Variants in NOS3 observed in about 807,000 individuals in gnomAD.
NOS3 encodes the protein nitric oxide synthase 3.
A neutral mutation model predicts 144.9 loss-of-function variants in NOS3; 98 were observed. The observed-to-expected ratio is 0.68, with a 90% CI of 0.57 to 0.80. The LOEUF (loss-of-function observed/expected upper bound fraction) is 0.80, where lower values mean the gene tolerates loss of function less well. Ranked by LOEUF, NOS3 falls within the 30% of genes least tolerant of loss-of-function variation. The pLI is 0.00. For missense variants in NOS3, 1,465 were observed against 1,656.4 expected (o/e 0.88, Z 2.01); for synonymous variants, 714 against 702.4 (o/e 1.02, Z -0.26).
Position 150,996,939 on chromosome 7 carries a change from G to GCGACTGAGAGACC in NOS3, c.582+17_582+29dup. 6.4e-7 allele frequency: 1 copy of GCGACTGAGAGACC among 1,551,224 alleles called. No individual in the cohort carries two copies. The highest frequency in any genetic ancestry group is 1.2e-5 in the South Asian group (1 of 84,358). ...GGGAAGCTGCAGGTGCGGCTGGCCA[G>GCGACTGAGAGACC]CGACTGAGAGACCCGGGCGCTACCA... On this transcript the variant is annotated intron_variant, in intron 5 of 26. Transcript: ENST00000297494.
In NOS3 at chr7:151,002,307, G is replaced by T. The variant is rs1164636120; in HGVS notation, c.1752+3G>T. The T allele has an allele frequency of 1.3e-6, 2 of 1,551,858 alleles. No individual in the cohort carries two copies. Among genetic ancestry groups the T allele is most frequent in the Non-Finnish European group, 1.8e-6 (2 of 1,135,936 alleles). ...GGGATCCCCCGGAGAATGGAGAGGT[G>T]AGAACTTCCAGGAAAGGGGCTGCTG... On this transcript the variant is annotated splice_donor_region_variant and intron_variant, in intron 14 of 26. Coordinates refer to ENST00000297494, the MANE Select transcript of NOS3 (RefSeq NM_000603.5). This position sits in a 1 kb window ranked among gnomAD's most constrained non-coding sequence, Gnocchi z 4.1.
At position 151,013,217 on chromosome 7, in the gene NOS3, G is replaced by C. The variant is rs752728880; in HGVS notation, c.3107-14G>C. ...CCCGGAGAAGAGCCTTCCCAAGCGC[G>C]GGGTTGCTTGCAGGGCTGCAGCCCA... is the stretch of plus-strand genomic sequence containing the variant. On this transcript the variant is annotated splice_polypyrimidine_tract_variant and intron_variant, in intron 24 of 26. Transcript: ENST00000297494. 4 of 1,608,582 alleles carry C rather than the reference G, an allele frequency of 2.5e-6. No homozygotes were observed. Among genetic ancestry groups the C allele is most frequent in the Non-Finnish European group, 3.4e-6 (4 of 1,176,854 alleles).
chr7:151,009,552 G>C lies in NOS3; in HGVS notation c.2479G>C (p.Val827Leu), dbSNP rs3918232. Residue 827 changes from valine (V) to leucine (L), a missense_variant, in exon 20 of 27, where the codon GTG becomes CTG. Physicochemically the swap from Val to Leu is conservative, Grantham distance 32 (BLOSUM62 1). Coordinates refer to ENST00000297494, the MANE Select transcript of NOS3 (RefSeq NM_000603.5). ...VEDPPAPTEP[V>L]AVEQLEKGSP... ...GGACCCGCCGGCGCCCACTGAGCCC[G>C]TGGCAGTAGAGCAGCTGGAGAAGGG... The C allele has an allele frequency of 6.5e-7, 1 of 1,543,576 alleles. No homozygotes were observed. Among genetic ancestry groups the C allele is most frequent in the African/African-American group, 1.4e-5 (1 of 73,016 alleles).
chr7:151,010,123 C>A lies in NOS3; in HGVS notation c.2521C>A (p.Pro841Thr). ...CTGTGCACTATCCCCAGGTGGCCCT[C>A]CCCCCGGCTGGGTGCGGGACCCCCG... ...QLEKGSPGGPPPGWVRDPRLP... is the reference protein window; with the variant it reads ...QLEKGSPGGPTPGWVRDPRLP... The change falls in exon 21 of 27, where the codon CCC (proline) becomes ACC (threonine). Residue 841 changes from proline (P) to threonine (T), a missense_variant. Physicochemically the swap from Pro to Thr is conservative, Grantham distance 38. Around this residue, in one of 5 missense-constraint regions of NOS3, gnomAD observed 745 missense variants for 853.9 expected, o/e 0.87. Transcript: ENST00000297494. 1.3e-6 allele frequency: 2 copies of A among 1,589,946 alleles called. No homozygotes were observed. Among genetic ancestry groups the A allele is most frequent in the Admixed American group, 1.7e-5 (1 of 59,428 alleles).
At chr7:151,012,193 G>GT in intron 23 of NOS3, 158 bp from the exon 24 acceptor site, 1 of 612,088 alleles carries the variant, frequency 1.6e-6, no homozygotes, top group Non-Finnish European at 2.8e-6. Flanking sequence ...GATCCAAGGA[G>GT]TTTCAGCAAG....
rs1802301556 is a variant in NOS3, at chr7:150,993,626, G to A, written c.-51-127G>A. The A allele has an allele frequency of 1.6e-6, 1 of 618,510 alleles. No individual in the cohort carries two copies. Among genetic ancestry groups the A allele is most frequent in the Non-Finnish European group, 2.7e-6 (1 of 369,012 alleles). The allele number at this position is 618,510 out of a possible 1,614,324, so 38.3% of individuals were successfully genotyped here. ...TTCAGGCCAGCGGGCGTGGAGCTGA[G>A]GCTTTAGAGCCTCCCAGCCGGGCTT... is the stretch of plus-strand genomic sequence containing the variant. On this transcript the variant is annotated intron_variant, in intron 1 of 26. Transcript: ENST00000297494. The surrounding 1 kb of genome is among the most constrained non-coding windows in gnomAD (Gnocchi z 4.0).
At chr7:150,999,942 G>A (rs1300546125) in intron 9 of NOS3, among the ~76,000 whole-genome samples, 1 of 143,928 alleles carries the variant, frequency 6.9e-6, no homozygotes, top group African/African-American at 2.6e-5. Flanking sequence ...GGGTTTGTGG[G>A]GTGTGTAGGG....
chr7:150,995,279 A>T lies in NOS3; in HGVS notation c.235A>T (p.Ile79Phe). The T allele has an allele frequency of 1.9e-6, 3 of 1,611,498 alleles. No homozygotes were observed. The highest frequency in any genetic ancestry group is 2.5e-6 in the Non-Finnish European group (3 of 1,179,046). The change falls in exon 3 of 27, where the codon ATC (isoleucine) becomes TTC (phenylalanine). Residue 79 changes from isoleucine (I) to phenylalanine (F), a missense_variant. Physicochemically the swap from Ile to Phe is conservative, Grantham distance 21 (BLOSUM62 0). Around this residue, in one of 5 missense-constraint regions of NOS3, gnomAD observed 374 missense variants for 377.0 expected, o/e 0.99. Coordinates refer to ENST00000297494, the MANE Select transcript of NOS3 (RefSeq NM_000603.5). ...PRVKNWEVGS[I>F]TYDTLSAQAQ... is the part of the protein sequence containing the mutation. ...TGTGAAGAACTGGGAGGTGGGGAGC[A>T]TCACCTATGACACCCTCAGCGCCCA...
chr7:151,003,879 T>C lies in NOS3; in HGVS notation c.1752+1575T>C, dbSNP rs1393212289. The C allele has an allele frequency of 1.6e-5, 6 of 376,598 alleles. No individual in the cohort carries two copies. The highest frequency in any genetic ancestry group is 6.3e-5 in the African/African-American group (3 of 47,770). The allele number at this position is 376,598 out of a possible 1,614,324, so 23.3% of individuals were successfully genotyped here. ...TTACCCATTCTCTTGTTGGTGACAC[T>C]TGGGCTGTTTCCAGGTCGGGGCTAT... On this transcript the variant is annotated intron_variant, in intron 14 of 26. Coordinates refer to ENST00000297494, the MANE Select transcript of NOS3 (RefSeq NM_000603.5). The surrounding 1 kb of genome is among the most constrained non-coding windows in gnomAD (Gnocchi z 4.1).
In NOS3 at chr7:151,003,730, C is replaced by T. The variant is rs778271367; in HGVS notation, c.1752+1426C>T. 16 of 489,514 alleles carry T rather than the reference C, an allele frequency of 3.3e-5. 1 individual carries two copies. The Middle Eastern group carries it at 1.3e-3, about 39-fold the overall frequency. The allele number at this position is 489,514 out of a possible 1,614,324, so 30.3% of individuals were successfully genotyped here. A position where few individuals can be genotyped will look rare whatever the true frequency, so the allele number is the denominator to read the frequency against. On this transcript the variant is annotated intron_variant, in intron 14 of 26. Transcript: ENST00000297494. The surrounding 1 kb of genome is among the most constrained non-coding windows in gnomAD (Gnocchi z 4.1). ...CTCTAGAACGGCACCTAGATGGAAGCACGCAGTGTTGCGGCGTCTCCTGCT... is the reference window on the plus strand; with the variant it reads ...CTCTAGAACGGCACCTAGATGGAAGTACGCAGTGTTGCGGCGTCTCCTGCT...
rs2117122951 is a variant in NOS3 at position 151,003,629 on chromosome 7, TCAGTTCCTCAC to T, written c.1752+1326_1752+1336del. On this transcript the variant is annotated intron_variant, in intron 14 of 26. Transcript: ENST00000297494. The surrounding 1 kb of genome is among the most constrained non-coding windows in gnomAD (Gnocchi z 4.1). The stretch of plus-strand genomic sequence containing the variant: ...TTCACCACCCTGGAAAGTTCCCTCA[TCAGTTCCTCAC>T]GTGAATCCCTTCCCAGTCTGTCTCC... 4.1e-6 allele frequency: 4 copies of T among 965,170 alleles called. No homozygotes were observed. Among genetic ancestry groups the T allele is most frequent in the Non-Finnish European group, 5.9e-6 (4 of 678,970 alleles). The allele number at this position is 965,170 out of a possible 1,614,324, so 59.8% of individuals were successfully genotyped here.
Position 151,006,417 on chromosome 7 carries a change from C to T in NOS3, c.1753-10C>T, listed in dbSNP as rs774209393. On this transcript the variant is annotated splice_polypyrimidine_tract_variant and intron_variant, in intron 14 of 26. Transcript: ENST00000297494. ...AAAACTAACCCTGATGCAAACACTC[C>T]CCTCGCCAGAGCTTTGCAGCTGCCC... The T allele has an allele frequency of 1.1e-5, 18 of 1,612,306 alleles. No homozygotes were observed. The highest frequency in any genetic ancestry group is 1.4e-5 in the Non-Finnish European group (17 of 1,178,606).
At chr7:150,996,613 ACGACCTT>A in intron 4 of NOS3, 61 bp downstream of exon 4, 1 of 1,538,074 alleles carries the variant, frequency 6.5e-7, no homozygotes, top group South Asian at 1.2e-5. Context: ...AAACCCCGTG[ACGACCTT>A]CCCATGACCC....
intron 23 of NOS3, 126 bp from the exon 24 acceptor site, chr7:151,012,219 TTTTTTG>T: frequency 3.0e-6 from 2 of 673,622 alleles, no homozygotes; most frequent in Non-Finnish European, 4.5e-6. Flanking sequence ...TTGTTTTTTG[TTTTTTG>T]TTTTTTTTTT....
rs1307679126 is a variant in NOS3 at position 151,014,083 on chromosome 7, C to T, written c.3526C>T (p.Gln1176Ter). 6.2e-7 allele frequency: 1 copy of T among 1,613,792 alleles called. No individual in the cohort carries two copies. Among genetic ancestry groups the T allele is most frequent in the Non-Finnish European group, 8.5e-7 (1 of 1,179,950 alleles). Residue 1176 changes from glutamine (Q) to a stop codon, truncating the protein, a stop_gained, in exon 27 of 27, where the codon CAG becomes TAG. Coordinates refer to ENST00000297494, the MANE Select transcript of NOS3 (RefSeq NM_000603.5). LOFTEE classifies it high-confidence loss of function. Reference protein sequence around the residue: ...TQEVTSRIRTQSFSLQERQLR... With the variant: ...TQEVTSRIRT ...GGAGGTGACAAGCCGCATACGCACC[C>T]AGAGCTTTTCCTTGCAGGAGCGTCA...
intron 23 of NOS3, among the ~76,000 whole-genome samples, chr7:151,011,475 G>A (rs1314101601): frequency 5.6e-5 from 8 of 143,288 alleles, no homozygotes; most frequent in African/African-American, 1.5e-4. Context: ...GCAGTGGTAC[G>A]ATCTCGGCTT....
In NOS3 at chr7:150,996,825, G is replaced by T; in HGVS notation, c.482G>T (p.Gly161Val). 6.2e-7 allele frequency: 1 copy of T among 1,610,948 alleles called. No homozygotes were observed. The highest frequency in any genetic ancestry group is 8.5e-7 in the Non-Finnish European group (1 of 1,179,368). ...QEVEAEVAAT[G>V]TYQLRESELV... ...GTGGAAGCCGAGGTGGCAGCCACAG[G>T]CACCTACCAGCTTAGGGAGAGCGAG... is the stretch of plus-strand genomic sequence containing the variant. The change falls in exon 5 of 27, where the codon GGC (glycine) becomes GTC (valine). Residue 161 changes from glycine to valine, a missense_variant. This residue lies in a region of NOS3 where 374 missense variants were observed against 377.0 expected (regional missense o/e 0.99). Coordinates refer to ENST00000297494, the MANE Select transcript of NOS3 (RefSeq NM_000603.5).
Position 151,000,681 on chromosome 7 carries a change from ATT to A in NOS3, c.1233+84_1233+85del, listed in dbSNP as rs1018130052. The A allele has an allele frequency of 1.9e-4, 168 of 883,050 alleles. 2 individuals are homozygous for A. The highest frequency in any genetic ancestry group is 2.4e-5 in the Non-Finnish European group (13 of 542,698). 54.7% of individuals were successfully genotyped at this position (883,050 alleles called of 1,614,324 possible). A position where few individuals can be genotyped will look rare whatever the true frequency, so the allele number is the denominator to read the frequency against. On this transcript the variant is annotated intron_variant, in intron 10 of 26. Transcript: ENST00000297494. ...GGCGGGGGATGGAGGAGAGGCAGCCATTTAGAAACTAGGGCAGGATTTGGACA... is the reference window on the plus strand; with the variant it reads ...GGCGGGGGATGGAGGAGAGGCAGCCATAGAAACTAGGGCAGGATTTGGACA...
At chr7:150,996,588 C>G (rs779470599) in intron 4 of NOS3, 36 bp downstream of exon 4, 16 of 1,565,168 alleles carry the variant, frequency 1.0e-5, no homozygotes, top group Non-Finnish European at 1.4e-5. Flanking sequence ...CTCCCTTGTC[C>G]CACTGAGGCC....
Sources: allele counts gnomAD v4.1 joint callset (sites outside exome capture counted in the v4.1 genomes callset), GRCh38; gene constraint gnomAD v4.1.1; regional missense constraint gnomAD v4.1.1; non-coding constraint Gnocchi (gnomAD v3.1); transcripts MANE v1.5; gene names NCBI Gene and HGNC (gene_info 2026-07-23, HGNC 2026-07-21).